The following SLC25A21 variants were observed in gnomAD, a reference collection of about 807,000 sequenced individuals.
The protein encoded by SLC25A21 is mitochondrial 2-oxodicarboxylate carrier.
In SLC25A21, 47 loss-of-function variants were observed where a neutral mutation model predicts 43.8. That is an observed-to-expected ratio of 1.07 (90% confidence interval 0.85 to 1.37). SLC25A21 has a LOEUF of 1.37. Ranked by LOEUF, SLC25A21 falls within the 40% of genes most tolerant of loss-of-function variation. The probability of loss-of-function intolerance (pLI) is 0.00; values close to 1 mark genes in which losing one functional copy is unlikely to be tolerated. For missense variants in SLC25A21, 352 were observed against 350.2 expected (o/e 1.00, Z -0.04); for synonymous variants, 131 against 121.3 (o/e 1.08, Z -0.52).
intron 1 of SLC25A21, among the ~76,000 whole-genome samples, chr14:37,121,448 T>C (rs1955758): frequency 0.94 from 143,209 of 152,274 alleles, 67,474 homozygotes; most frequent in East Asian, 1. Context: ...CAAGTTAACA[T>C]GTGGATACCA....
At chr14:36,811,468 C>T (rs990066580) in intron 3 of SLC25A21, among the ~76,000 whole-genome samples, 4 of 151,932 alleles carry the variant, frequency 2.6e-5, no homozygotes, top group Admixed American at 6.6e-5. Flanking sequence ...CTGGCCAACA[C>T]GGTGAGGCCC....
intron 1 of SLC25A21, among the ~76,000 whole-genome samples, chr14:37,017,097 C>A (rs1221916400): frequency 2.0e-5 from 3 of 152,056 alleles, no homozygotes; most frequent in African/African-American, 7.2e-5. Context: ...TTACTCACTT[C>A]AATAACTTTT....
At chr14:37,065,298 A>G (rs1962037016) in intron 1 of SLC25A21, among the ~76,000 whole-genome samples, 6 of 152,206 alleles carry the variant, frequency 3.9e-5, no homozygotes, top group Admixed American at 3.9e-4. Context: ...AAACAACAAT[A>G]TTGGATAAGG....
chr14:36,866,357 C>A (rs956816965), intron 2 of SLC25A21, among the ~76,000 whole-genome samples: 5 of 152,104 alleles, frequency 3.3e-5, no homozygotes, highest in Non-Finnish European at 5.9e-5. Context: ...AAACTGAAAA[C>A]AAAAATGATA....
chr14:37,032,254 A>C (rs10148097), intron 1 of SLC25A21, among the ~76,000 whole-genome samples: 1 of 151,914 alleles, frequency 6.6e-6, no homozygotes, highest in Non-Finnish European at 1.5e-5. Context: ...AATGAATCCA[A>C]GCTGGGCGCG....
chr14:36,897,556 C>A (rs1388752012), intron 1 of SLC25A21, among the ~76,000 whole-genome samples: 5 of 152,206 alleles, frequency 3.3e-5, no homozygotes, highest in African/African-American at 1.2e-4. Context: ...ATTCTACGTC[C>A]AGCTTTGTTC....
At chr14:37,123,935 A>ATTAGTGATT (rs1963254373) in intron 1 of SLC25A21, among the ~76,000 whole-genome samples, 1 of 152,150 alleles carries the variant, frequency 6.6e-6, no homozygotes, top group African/African-American at 2.4e-5. Flanking sequence ...GGATATAGTT[A>ATTAGTGATT]TTAGTGATTT....
intron 1 of SLC25A21, among the ~76,000 whole-genome samples, chr14:37,161,416 T>C (rs536688587): frequency 6.6e-6 from 1 of 152,248 alleles, no homozygotes; most frequent in African/African-American, 2.4e-5. Context: ...CACAGGACCA[T>C]AGCTTGAGAT....
chr14:36,997,729 T>C (rs1459643601), intron 1 of SLC25A21, among the ~76,000 whole-genome samples: 1 of 150,894 alleles, frequency 6.6e-6, no homozygotes, highest in Non-Finnish European at 1.5e-5. Flanking sequence ...CTCAGGAGGC[T>C]GAGGCAGGAG....
At chr14:37,053,373 G>T (rs988568669) in intron 1 of SLC25A21, among the ~76,000 whole-genome samples, 1 of 152,154 alleles carries the variant, frequency 6.6e-6, no homozygotes, top group Non-Finnish European at 1.5e-5. Flanking sequence ...AAAATTACTA[G>T]AGAGACATCA....
chr14:37,055,701 C>A (rs1344516698), intron 1 of SLC25A21, among the ~76,000 whole-genome samples: 1 of 152,154 alleles, frequency 6.6e-6, no homozygotes, highest in Non-Finnish European at 1.5e-5. Flanking sequence ...AGGCCCCAGA[C>A]ATGTGAGTGA....
intron 3 of SLC25A21, among the ~76,000 whole-genome samples, chr14:36,766,299 G>C (rs765342448): frequency 5.3e-5 from 8 of 152,130 alleles, no homozygotes; most frequent in African/African-American, 1.2e-4. Context: ...ATACAATATT[G>C]TTTTAATTAA....
chr14:37,090,380 C>T (rs1962562059), intron 1 of SLC25A21, among the ~76,000 whole-genome samples: 1 of 152,214 alleles, frequency 6.6e-6, no homozygotes, highest in Admixed American at 6.5e-5. Flanking sequence ...GATGCCTCCT[C>T]GCACTTCCCA....
At chr14:36,742,047 C>A (rs976203834) in intron 3 of SLC25A21, among the ~76,000 whole-genome samples, 1 of 152,184 alleles carries the variant, frequency 6.6e-6, no homozygotes, top group African/African-American at 2.4e-5. Context: ...AGGCTTCAGG[C>A]ATCCTCCTGA....
chr14:36,989,911 A>G (rs1960227589), intron 1 of SLC25A21, among the ~76,000 whole-genome samples: 1 of 152,162 alleles, frequency 6.6e-6, no homozygotes, highest in Non-Finnish European at 1.5e-5. Context: ...AGAGAAAGAG[A>G]GCAAGAAAGA....
At chr14:36,957,072 T>C (rs1959360639) in intron 1 of SLC25A21, among the ~76,000 whole-genome samples, 1 of 152,240 alleles carries the variant, frequency 6.6e-6, no homozygotes, top group Non-Finnish European at 1.5e-5. Flanking sequence ...AAAGTGTATT[T>C]GGTTCTTGTC....
At chr14:36,962,622 G>A (rs1480183129) in intron 1 of SLC25A21, among the ~76,000 whole-genome samples, 1 of 151,952 alleles carries the variant, frequency 6.6e-6, no homozygotes, top group Non-Finnish European at 1.5e-5. Flanking sequence ...ATGTCCTATA[G>A]ATCCATCCAT....
At chr14:36,785,096 T>C (rs1454092851) in intron 3 of SLC25A21, among the ~76,000 whole-genome samples, 1 of 152,206 alleles carries the variant, frequency 6.6e-6, no homozygotes, top group Non-Finnish European at 1.5e-5. Flanking sequence ...TGTGTTTCTG[T>C]ACCCTCATAG....
intron 7 of SLC25A21, among the ~76,000 whole-genome samples, chr14:36,706,254 T>C (rs1883560177): frequency 6.6e-6 from 1 of 152,244 alleles, no homozygotes; most frequent in African/African-American, 2.4e-5. Flanking sequence ...CTTCACACTT[T>C]TATGCCACCT....
Sources: allele counts gnomAD v4.1 joint callset (sites outside exome capture counted in the v4.1 genomes callset), GRCh38; gene constraint gnomAD v4.1.1; transcripts MANE v1.5; gene names NCBI Gene and HGNC (gene_info 2026-07-23, HGNC 2026-07-21).